The following CDKAL1 variants were observed in gnomAD, a reference collection of about 807,000 sequenced individuals.
The protein encoded by CDKAL1 is CDKAL1 threonylcarbamoyladenosine tRNA methylthiotransferase, also known as threonylcarbamoyladenosine tRNA methylthiotransferase.
CDKAL1 carries 32 observed loss-of-function variants against 68.2 expected under a neutral mutation model. The ratio of observed to expected loss-of-function variants is 0.47; its 90% CI spans 0.35 to 0.63. The LOEUF is 0.63. CDKAL1 is among the 30% of genes least tolerant of loss of function. CDKAL1 has a pLI of 0.00. For synonymous variants in CDKAL1, 234 were observed against 244.3 expected (o/e 0.96, Z 0.39); for missense variants, 606 against 696.7 (o/e 0.87, Z 1.47).
intron 13 of CDKAL1, among the ~76,000 whole-genome samples, chr6:21,123,783 A>C (rs1056260302): frequency 1.3e-5 from 2 of 152,256 alleles, no homozygotes; most frequent in African/African-American, 4.8e-5. Context: ...GAAGAAGATA[A>C]GGTCCAAACC....
At chr6:20,629,929 C>T (rs13220465) in intron 4 of CDKAL1, among the ~76,000 whole-genome samples, 21,622 of 152,124 alleles carry the variant, frequency 0.14, 1,727 homozygotes, top group Non-Finnish European at 0.18. Context: ...TCTTGGATCA[C>T]TGCAGCCTCT....
intron 8 of CDKAL1, among the ~76,000 whole-genome samples, chr6:20,822,149 A>G (rs982614288): frequency 6.6e-5 from 10 of 152,172 alleles, no homozygotes; most frequent in African/African-American, 2.4e-4. Context: ...CAGGAAAAAT[A>G]TGCCAGCCCC....
At chr6:20,589,743 T>G (rs1765517253) in intron 4 of CDKAL1, among the ~76,000 whole-genome samples, 1 of 152,108 alleles carries the variant, frequency 6.6e-6, no homozygotes, top group South Asian at 2.1e-4. Flanking sequence ...TCAGTGAAAT[T>G]TCTTATATTA....
In CDKAL1 at chr6:20,534,539, CT is replaced by C. The variant is rs1349100925; in HGVS notation, c.-84del. On this transcript the variant is annotated 5_prime_UTR_variant, in exon 1 of 16. The change creates a premature stop within an existing upstream ORF in the 5' untranslated region. Transcript: ENST00000274695. ...TTCCGGAGAGTGGCGGGTTGATTTT[CT>C]CACTTTGGACTGGTTTTTACTTCCC... The C allele has an allele frequency of 6.6e-6, 1 of 152,280 alleles. No individual in the cohort carries two copies. Among genetic ancestry groups the C allele is most frequent in the African/African-American group, 2.4e-5 (1 of 41,280 alleles). The allele number at this position is 152,280 out of a possible 1,614,324, so 9.4% of individuals were successfully genotyped here.
chr6:21,006,447 A>C (rs767026480), intron 11 of CDKAL1, among the ~76,000 whole-genome samples: 4 of 152,138 alleles, frequency 2.6e-5, no homozygotes, highest in Non-Finnish European at 4.4e-5. Flanking sequence ...TTCTGGCTTT[A>C]TGTCATCATT....
chr6:20,901,518 CA>C (rs1188818445), intron 9 of CDKAL1, among the ~76,000 whole-genome samples: 19 of 144,588 alleles, frequency 1.3e-4, no homozygotes, highest in Non-Finnish European at 1.2e-4. Context: ...ACTAAAAATA[CA>C]AAAAAAAAAT....
rs866126671 is a variant in CDKAL1, at chr6:20,913,100, T to C, written c.743-42319T>C. 4.9e-5 allele frequency among the ~76,000 whole-genome samples: 7 copies of C among 144,212 alleles called. No individual in the cohort carries two copies. The South Asian group carries it at 1.6e-3, about 32-fold the overall frequency. 94.6% of individuals were successfully genotyped at this position (144,212 alleles called of 152,430 possible). A position where few individuals can be genotyped will look rare whatever the true frequency, so the allele number is the denominator to read the frequency against. On this transcript the variant is annotated intron_variant, in intron 9 of 15. Coordinates refer to ENST00000274695, the MANE Select transcript of CDKAL1 (RefSeq NM_017774.3). ...AGGGATCTCCAGAGAAATAGAACCA[T>C]TGAACCACAGTTGTTTACACACACA...
intron 8 of CDKAL1, among the ~76,000 whole-genome samples, chr6:20,782,060 T>C (rs951099413): frequency 6.6e-6 from 1 of 152,214 alleles, no homozygotes; most frequent in Non-Finnish European, 1.5e-5. Flanking sequence ...CTCCTTCTCA[T>C]TGAGAACCGG....
intron 9 of CDKAL1, among the ~76,000 whole-genome samples, chr6:20,868,236 C>G (rs1760012102): frequency 6.6e-6 from 1 of 152,166 alleles, no homozygotes; most frequent in Non-Finnish European, 1.5e-5. Context: ...CACCCCCATT[C>G]TAAAAGTAGT....
chr6:20,719,688 A>G (rs1305472297), intron 5 of CDKAL1, among the ~76,000 whole-genome samples: 1 of 152,210 alleles, frequency 6.6e-6, no homozygotes, highest in Non-Finnish European at 1.5e-5. Context: ...AGAAATGTAT[A>G]GTTTAGCGAA....
chr6:20,896,763 G>A (rs1288172903), intron 9 of CDKAL1, among the ~76,000 whole-genome samples: 1 of 152,052 alleles, frequency 6.6e-6, no homozygotes, highest in Admixed American at 6.5e-5. Flanking sequence ...TACCAAGTTG[G>A]GGGTGGAAGG....
chr6:20,666,225 G>A (rs1769535875), intron 5 of CDKAL1, among the ~76,000 whole-genome samples: 1 of 151,862 alleles, frequency 6.6e-6, no homozygotes, highest in Non-Finnish European at 1.5e-5. Flanking sequence ...ATTCTTACCA[G>A]TGCTCAGGGA....
chr6:20,907,634 A>G (rs1581805566), intron 9 of CDKAL1, among the ~76,000 whole-genome samples: 1 of 152,174 alleles, frequency 6.6e-6, no homozygotes, highest in Non-Finnish European at 1.5e-5. Flanking sequence ...ACTGTGAGCC[A>G]TGGGACTAAG....
At chr6:20,787,838 G>A (rs1234970123) in intron 8 of CDKAL1, among the ~76,000 whole-genome samples, 4 of 152,168 alleles carry the variant, frequency 2.6e-5, no homozygotes, top group African/African-American at 9.6e-5. Flanking sequence ...ACTACAGTGA[G>A]TTATAATTCA....
intron 4 of CDKAL1, among the ~76,000 whole-genome samples, chr6:20,594,161 G>T (rs1330629704): frequency 6.6e-6 from 1 of 152,168 alleles, no homozygotes; most frequent in Non-Finnish European, 1.5e-5. Flanking sequence ...TGTTGATTTG[G>T]GGTGGAGAGT....
chr6:20,552,832 G>A (rs977071866), intron 4 of CDKAL1, among the ~76,000 whole-genome samples: 1 of 152,084 alleles, frequency 6.6e-6, no homozygotes, highest in Non-Finnish European at 1.5e-5. Context: ...GCTTTGATAA[G>A]ACATTTAAGA....
At chr6:20,923,390 T>G (rs2150655973) in intron 9 of CDKAL1, among the ~76,000 whole-genome samples, 1 of 152,340 alleles carries the variant, frequency 6.6e-6, no homozygotes, top group African/African-American at 2.4e-5. Flanking sequence ...TGTGTCTCTG[T>G]GCCACATTTT....
chr6:21,218,162 A>G (rs1026353670), intron 15 of CDKAL1, among the ~76,000 whole-genome samples: 1 of 152,200 alleles, frequency 6.6e-6, no homozygotes, highest in Non-Finnish European at 1.5e-5. Flanking sequence ...TATATCTGAA[A>G]TTGATTTGTA....
intron 9 of CDKAL1, among the ~76,000 whole-genome samples, chr6:20,871,823 T>C (rs143230106): frequency 5.8e-4 from 89 of 152,296 alleles, no homozygotes; most frequent in African/African-American, 2.1e-3. Context: ...ATCCAAACTT[T>C]CCATGAAATT....
Sources: gnomAD v4.1 joint callset for allele counts (sites outside exome capture counted in the v4.1 genomes callset) on GRCh38, gnomAD v4.1.1 for gene constraint, MANE v1.5 for transcripts, NCBI Gene and HGNC (gene_info 2026-07-23, HGNC 2026-07-21) for gene names.